PCGF5: variants seen among roughly 807,000 people sequenced by gnomAD.
The protein encoded by PCGF5 is polycomb group ring finger 5.
PCGF5 carries 9 observed loss-of-function variants against 44.3 expected under a neutral mutation model. The observed-to-expected ratio is 0.20, with a 90% CI of 0.12 to 0.35. The LOEUF is 0.35. Ranked by LOEUF, PCGF5 falls within the 10% of genes least tolerant of loss-of-function variation. The pLI, the probability that PCGF5 is intolerant of heterozygous loss-of-function variation, is 1.00. For synonymous variants in PCGF5, 95 were observed against 102.5 expected (o/e 0.93, Z 0.44); for missense variants, 146 against 305.3 (o/e 0.48, Z 3.89).
intron 1 of PCGF5, 94 bp downstream of exon 1, chr10:91,220,930 C>T (rs997190489): frequency 1.3e-5 from 2 of 152,440 alleles, no homozygotes; most frequent in Non-Finnish European, 2.9e-5. Flanking sequence ...GACACCTGCC[C>T]TGGCCGGCCC....
chr10:91,201,700 A>T (rs950358993), intron 1 of PCGF5, among the ~76,000 whole-genome samples: 1 of 150,312 alleles, frequency 6.7e-6, no homozygotes. Flanking sequence ...TTTGTTCTGT[A>T]TTGAGTTCAT....
intron 1 of PCGF5, among the ~76,000 whole-genome samples, chr10:91,173,722 T>TAA (rs1843654890): frequency 6.6e-6 from 1 of 152,154 alleles, no homozygotes; most frequent in Admixed American, 6.5e-5. Flanking sequence ...GTTATTCTGG[T>TAA]AATTTATTTC....
intron 8 of PCGF5, among the ~76,000 whole-genome samples, chr10:91,270,988 T>C (rs1378866011): frequency 6.6e-6 from 1 of 151,744 alleles, no homozygotes; most frequent in Non-Finnish European, 1.5e-5. Context: ...TACTCAATAG[T>C]TTTAAAGTGT....
chr10:91,234,309 T>C (rs1390878142), intron 2 of PCGF5, among the ~76,000 whole-genome samples: 3 of 152,248 alleles, frequency 2.0e-5, no homozygotes, highest in Non-Finnish European at 2.9e-5. Flanking sequence ...TATGTTTATT[T>C]TTAACATAAA....
upstream of PCGF5, chr10:91,220,482 G>T (rs1269128528): frequency 6.5e-6 from 1 of 152,706 alleles, no homozygotes; most frequent in Non-Finnish European, 1.5e-5. Flanking sequence ...AGGGAGCCAG[G>T]GCGGCAGCTG....
At chr10:91,205,926 G>T (rs188685575) in intron 1 of PCGF5, among the ~76,000 whole-genome samples, 1 of 152,210 alleles carries the variant, frequency 6.6e-6, no homozygotes, top group East Asian at 1.9e-4. Flanking sequence ...GGAGGCTGAG[G>T]TGGGAGAATT....
intron 5 of PCGF5, among the ~76,000 whole-genome samples, chr10:91,249,199 G>A (rs1471226550): frequency 1.3e-5 from 2 of 151,756 alleles, no homozygotes; most frequent in African/African-American, 4.8e-5. Flanking sequence ...GAGCTCAGGT[G>A]ATACAAACTT....
intron 1 of PCGF5, among the ~76,000 whole-genome samples, chr10:91,189,365 G>T (rs1397207278): frequency 6.6e-6 from 1 of 152,160 alleles, no homozygotes; most frequent in African/African-American, 2.4e-5. Context: ...AGGCAGGGAG[G>T]TGATGTTTTG....
intron 3 of PCGF5, among the ~76,000 whole-genome samples, chr10:91,241,907 G>A (rs1226116002): frequency 6.6e-6 from 1 of 152,134 alleles, no homozygotes; most frequent in Non-Finnish European, 1.5e-5. Flanking sequence ...TATCATGTTA[G>A]AAGTGACAGG....
At chr10:91,180,394 G>A (rs1174949645) in intron 1 of PCGF5, among the ~76,000 whole-genome samples, 1 of 152,034 alleles carries the variant, frequency 6.6e-6, no homozygotes, top group African/African-American at 2.4e-5. Context: ...AGTTATTTTG[G>A]TGTCTTCATT....
intron 1 of PCGF5, among the ~76,000 whole-genome samples, chr10:91,197,617 G>A (rs1048718331): frequency 2.0e-5 from 3 of 152,186 alleles, no homozygotes; most frequent in African/African-American, 4.8e-5. Context: ...ATTTACTGGG[G>A]AAAGGGCTAA....
At chr10:91,162,939 C>G (rs1403376923), upstream of PCGF5, 1 of 145,570 alleles carries the variant, frequency 6.9e-6, no homozygotes, top group Non-Finnish European at 1.5e-5. Context: ...GCCGGCCCAG[C>G]CCCCGCCCCG....
rs754318606 is a variant in PCGF5, at chr10:91,240,479, C to T, written c.113-5C>T. 6.3e-7 allele frequency: 1 copy of T among 1,595,454 alleles called. No individual in the cohort carries two copies. The highest frequency in any genetic ancestry group is 1.3e-5 in the African/African-American group (1 of 74,442). ...GTTTTAACCTAACATCTTCTTTCTT[C>T]TTAGTCTGTAAGACTTGTATTGTTC... On this transcript the variant is annotated splice_polypyrimidine_tract_variant and splice_region_variant and intron_variant, in intron 2 of 9. Coordinates refer to ENST00000336126, the MANE Select transcript of PCGF5 (RefSeq NM_032373.5).
chr10:91,167,327 T>C (rs1843517645), intron 1 of PCGF5, among the ~76,000 whole-genome samples: 1 of 152,180 alleles, frequency 6.6e-6, no homozygotes, highest in African/African-American at 2.4e-5. Context: ...TTAAGAGTCA[T>C]GTAGAGCACA....
chr10:91,186,110 G>C (rs1240861444), intron 1 of PCGF5, among the ~76,000 whole-genome samples: 1 of 152,168 alleles, frequency 6.6e-6, no homozygotes, highest in Non-Finnish European at 1.5e-5. Flanking sequence ...AGTAATTTTA[G>C]AGCTCAAGTT....
intron 1 of PCGF5, among the ~76,000 whole-genome samples, chr10:91,200,763 C>T (rs1300464173): frequency 2.0e-5 from 3 of 151,898 alleles, no homozygotes; most frequent in African/African-American, 2.4e-5. Context: ...GGACAGTGGG[C>T]AAATTAAGCT....
upstream of PCGF5, among the ~76,000 whole-genome samples, chr10:91,216,732 G>A (rs186820394): frequency 2.1e-3 from 323 of 152,286 alleles, 1 homozygote; most frequent in African/African-American, 7.4e-3. Context: ...TTGGATTGTG[G>A]GAGAGGGGTG....
At chr10:91,216,674 A>AAC (rs1304805232), upstream of PCGF5, among the ~76,000 whole-genome samples, 1 of 152,172 alleles carries the variant, frequency 6.6e-6, no homozygotes, top group Non-Finnish European at 1.5e-5. Flanking sequence ...AGGGTGGCTA[A>AAC]ACAGAGGGAT....
At chr10:91,199,148 A>G (rs1395933125) in intron 1 of PCGF5, among the ~76,000 whole-genome samples, 1 of 152,236 alleles carries the variant, frequency 6.6e-6, no homozygotes, top group Non-Finnish European at 1.5e-5. Flanking sequence ...TCAAGGGATC[A>G]TCCCTGCTTC....
Sources: allele counts gnomAD v4.1 joint callset (sites outside exome capture counted in the v4.1 genomes callset), GRCh38; gene constraint gnomAD v4.1.1; transcripts MANE v1.5; gene names NCBI Gene and HGNC (gene_info 2026-07-23, HGNC 2026-07-21).